Variants in KCNK1 observed in about 807,000 individuals in gnomAD.
KCNK1 encodes the protein potassium channel subfamily K member 1.
KCNK1 carries 10 observed loss-of-function variants against 22.2 expected under a neutral mutation model. The ratio of observed to expected loss-of-function variants is 0.45; its 90% CI spans 0.28 to 0.76. KCNK1 has a LOEUF of 0.76. KCNK1 is among the 30% of genes least tolerant of loss of function. KCNK1 has a pLI of 0.14. For synonymous variants in KCNK1, 200 were observed against 186.4 expected (o/e 1.07, Z -0.60); for missense variants, 378 against 421.0 (o/e 0.90, Z 0.89).
rs1166264942 is a variant in KCNK1, at chr1:233,671,266, CA to C, written c.752-4del. On this transcript the variant is annotated splice_polypyrimidine_tract_variant and splice_region_variant and intron_variant, in intron 2 of 2. Transcript: ENST00000366621. ...CACTAAGACAGTGTCCTGTTTCTCA[CA>C]CAGGTTACCTGCTACTTGGCCTTAT... 1.2e-6 allele frequency: 2 copies of C among 1,613,738 alleles called. No homozygotes were observed. The highest frequency in any genetic ancestry group is 3.3e-5 in the Admixed American group (2 of 60,020).
intron 1 of KCNK1, among the ~76,000 whole-genome samples, chr1:233,658,768 C>G (rs888436223): frequency 3.3e-5 from 5 of 152,100 alleles, no homozygotes; most frequent in Admixed American, 6.5e-5. Context: ...TAAATATATC[C>G]AAACCTAGAA....
intron 1 of KCNK1, among the ~76,000 whole-genome samples, chr1:233,634,964 G>C (rs761668000): frequency 6.6e-6 from 1 of 152,086 alleles, no homozygotes; most frequent in Non-Finnish European, 1.5e-5. Flanking sequence ...ACCCTCACTC[G>C]TACTCAGGCT....
At chr1:233,653,447 AG>A (rs1304446448) in intron 1 of KCNK1, among the ~76,000 whole-genome samples, 3 of 143,266 alleles carry the variant, frequency 2.1e-5, no homozygotes, top group Non-Finnish European at 4.6e-5. Flanking sequence ...GAGGATGCCC[AG>A]GTAGCTGGTA....
intron 1 of KCNK1, among the ~76,000 whole-genome samples, chr1:233,635,593 A>AT (rs34927700): frequency 0.22 from 32,724 of 151,648 alleles, 3,698 homozygotes; most frequent in African/African-American, 0.27. Flanking sequence ...TAAGCCAATA[A>AT]TTTTTTTTTG....
intron 1 of KCNK1, among the ~76,000 whole-genome samples, chr1:233,622,924 A>G (rs148639826): frequency 2.2e-4 from 34 of 152,246 alleles, no homozygotes; most frequent in African/African-American, 6.7e-4. Context: ...GGATTGACCA[A>G]CTTTGTGAAA....
At chr1:233,638,422 GAA>G (rs11363117) in intron 1 of KCNK1, among the ~76,000 whole-genome samples, 27 of 149,114 alleles carry the variant, frequency 1.8e-4, no homozygotes, top group South Asian at 8.5e-4. Flanking sequence ...AAAAAAGAGA[GAA>G]AAAAAAAAAA....
chr1:233,659,078 T>C (rs1351390849), intron 1 of KCNK1, among the ~76,000 whole-genome samples: 1 of 152,202 alleles, frequency 6.6e-6, no homozygotes, highest in Admixed American at 6.5e-5. Flanking sequence ...TTAATGTTTT[T>C]AATTTTGATT....
intron 1 of KCNK1, among the ~76,000 whole-genome samples, chr1:233,640,300 G>A (rs1413555825): frequency 2.6e-5 from 4 of 152,128 alleles, no homozygotes; most frequent in African/African-American, 7.2e-5. Context: ...GGACTTAACT[G>A]CCGAGACTGA....
chr1:233,623,044 A>T (rs760238701), intron 1 of KCNK1, among the ~76,000 whole-genome samples: 2 of 152,144 alleles, frequency 1.3e-5, no homozygotes, highest in Non-Finnish European at 2.9e-5. Context: ...ATCATGGCTG[A>T]TGCATTCAGA....
intron 1 of KCNK1, chr1:233,629,785 C>A (rs1466199933): frequency 1.3e-5 from 2 of 152,218 alleles, no homozygotes; most frequent in Non-Finnish European, 2.9e-5. Flanking sequence ...ATGGGCGGAG[C>A]TTGTCATGGA....
chr1:233,650,425 G>A (rs946578403), intron 1 of KCNK1, among the ~76,000 whole-genome samples: 8 of 152,190 alleles, frequency 5.3e-5, no homozygotes, highest in African/African-American at 1.9e-4. Context: ...ATATTAAAAC[G>A]TGTGCAGAGA....
chr1:233,627,255 T>C (rs943998554), intron 1 of KCNK1, among the ~76,000 whole-genome samples: 2 of 152,214 alleles, frequency 1.3e-5, no homozygotes, highest in African/African-American at 2.4e-5. Flanking sequence ...CCTCAAATAC[T>C]GTATTTTTTA....
intron 1 of KCNK1, among the ~76,000 whole-genome samples, chr1:233,662,235 TCTCC>T (rs1658406478): frequency 8.5e-6 from 1 of 118,278 alleles, no homozygotes; most frequent in African/African-American, 3.2e-5. Context: ...TTCTTCTTCT[TCTCC>T]TTCTTCTTCT....
intron 2 of KCNK1, 56 bp from the exon 3 acceptor site, chr1:233,671,215 T>C: frequency 2.0e-5 from 30 of 1,526,556 alleles, no homozygotes; most frequent in Middle Eastern, 1.7e-4. Context: ...AATCACTCGC[T>C]ACTTGATTTA....
At chr1:233,666,567 C>G (rs748160788) in intron 1 of KCNK1, 28 bp from the exon 2 acceptor site, 1 of 1,564,054 alleles carries the variant, frequency 6.4e-7, no homozygotes, top group East Asian at 2.3e-5. Context: ...TCTTCCTCTT[C>G]GCCTCAGTGA....
At chr1:233,646,161 A>G (rs1211716508) in intron 1 of KCNK1, among the ~76,000 whole-genome samples, 1 of 152,170 alleles carries the variant, frequency 6.6e-6, no homozygotes, top group African/African-American at 2.4e-5. Flanking sequence ...GATGTCAGGT[A>G]TGAATTTGGA....
intron 1 of KCNK1, among the ~76,000 whole-genome samples, chr1:233,633,028 A>T (rs924630304): frequency 2.0e-5 from 3 of 151,886 alleles, no homozygotes; most frequent in African/African-American, 7.3e-5. Flanking sequence ...CTTTACAAAG[A>T]CGAGGTTCAT....
chr1:233,627,152 T>C (rs1170834371), intron 1 of KCNK1, among the ~76,000 whole-genome samples: 2 of 152,212 alleles, frequency 1.3e-5, no homozygotes, highest in Non-Finnish European at 2.9e-5. Flanking sequence ...TCATTTTTAC[T>C]GCATTGTTGC....
At chr1:233,633,963 A>G (rs543675859) in intron 1 of KCNK1, among the ~76,000 whole-genome samples, 7 of 152,266 alleles carry the variant, frequency 4.6e-5, no homozygotes, top group Admixed American at 3.9e-4. Flanking sequence ...GTGCTTGGCA[A>G]TGACTACGAT....
Sources: gnomAD v4.1 joint callset for allele counts (sites outside exome capture counted in the v4.1 genomes callset) on GRCh38, gnomAD v4.1.1 for gene constraint, MANE v1.5 for transcripts, NCBI Gene and HGNC (gene_info 2026-07-23, HGNC 2026-07-21) for gene names.